The following KHDRBS2 variants were observed in gnomAD, a reference collection of about 807,000 sequenced individuals.
KHDRBS2 encodes KH RNA binding domain containing, signal transduction associated 2.
KHDRBS2 carries 26 observed loss-of-function variants against 44.3 expected under a neutral mutation model. That is an observed-to-expected ratio of 0.59 (90% CI 0.43 to 0.81). KHDRBS2 has a LOEUF of 0.81. KHDRBS2 is among the 40% of genes least tolerant of loss of function. KHDRBS2 has a pLI of 0.00. For missense variants in KHDRBS2, 476 were observed against 433.1 expected (o/e 1.10, Z -0.88); for synonymous variants, 194 against 151.1 (o/e 1.28, Z -2.08).
intron 6 of KHDRBS2, among the ~76,000 whole-genome samples, chr6:61,863,260 T>C (rs1004182022): frequency 1.6e-5 from 1 of 60,990 alleles, no homozygotes; most frequent in African/African-American, 5.9e-5. Context: ...TTTGAAGGGG[T>C]TTTTTTTTTT....
At chr6:61,813,062 T>A (rs1323059008) in intron 6 of KHDRBS2, among the ~76,000 whole-genome samples, 1 of 152,148 alleles carries the variant, frequency 6.6e-6, no homozygotes, top group Non-Finnish European at 1.5e-5. Flanking sequence ...AAAGTAAATG[T>A]GTATATGTAA....
chr6:62,037,672 T>A (rs771367157), intron 3 of KHDRBS2, among the ~76,000 whole-genome samples: 28 of 152,048 alleles, frequency 1.8e-4, no homozygotes, highest in Non-Finnish European at 2.8e-4. Flanking sequence ...AAATTAAGGC[T>A]CACATTTTGT....
chr6:61,635,232 T>C, the KHDRBS2 span, among the ~76,000 whole-genome samples: 2 of 152,010 alleles, frequency 1.3e-5, no homozygotes, highest in Admixed American at 6.6e-5. Flanking sequence ...AGCCCATTGG[T>C]AAACAAAGAA....
At chr6:61,630,452 A>G in the KHDRBS2 span, 349 of 152,252 alleles carry the variant, frequency 2.3e-3, no homozygotes, top group African/African-American at 8.1e-3. Flanking sequence ...CAACCACTGA[A>G]GGTTTTAATG....
intron 3 of KHDRBS2, among the ~76,000 whole-genome samples, chr6:62,028,861 G>C (rs1220942256): frequency 1.3e-5 from 2 of 152,038 alleles, no homozygotes; most frequent in Non-Finnish European, 2.9e-5. Context: ...GAATTCACAG[G>C]ACCTCTTTGT....
rs777723610 is a variant in KHDRBS2 at position 61,681,019 on chromosome 6, G to A, written c.994C>T (p.Pro332Ser). 6.2e-7 allele frequency: 1 copy of A among 1,611,860 alleles called. No individual in the cohort carries two copies. Among genetic ancestry groups the A allele is most frequent in the Non-Finnish European group, 8.5e-7 (1 of 1,178,674 alleles). ...WATTRSSLKA[P>S]PQRSARGGYR... is the part of the protein sequence containing the mutation. Reference sequence around the variant, plus strand: ...CCCCCTCTGGCTGACCTTTGCGGTGGTGCCTTCAAGCTAGAGCGGGTTGTG... The same window carrying A: ...CCCCCTCTGGCTGACCTTTGCGGTGATGCCTTCAAGCTAGAGCGGGTTGTG... The change falls in exon 9 of 9, where the codon CCA becomes TCA. Residue 332 changes from proline (P) to serine (S), a missense_variant. Pro to Ser is a moderately conservative substitution (Grantham distance 74). Coordinates refer to ENST00000281156, the MANE Select transcript of KHDRBS2 (RefSeq NM_152688.4).
chr6:61,888,771 C>T (rs1373511775), intron 6 of KHDRBS2, among the ~76,000 whole-genome samples: 2 of 151,886 alleles, frequency 1.3e-5, no homozygotes, highest in Admixed American at 1.3e-4. Flanking sequence ...CCGTGTTAAC[C>T]AGGATGGTCT....
At chr6:61,985,952 G>A (rs1774978399) in intron 3 of KHDRBS2, among the ~76,000 whole-genome samples, 1 of 152,038 alleles carries the variant, frequency 6.6e-6, no homozygotes, top group South Asian at 2.1e-4. Flanking sequence ...ATGTACATAT[G>A]TAATTTAATG....
the KHDRBS2 span, among the ~76,000 whole-genome samples, chr6:61,615,509 CT>C: frequency 6.6e-6 from 1 of 152,116 alleles, no homozygotes; most frequent in East Asian, 1.9e-4. Flanking sequence ...AGTGTTATTT[CT>C]TTTTTATACT....
chr6:61,718,849 C>T (rs1463957250), intron 7 of KHDRBS2, among the ~76,000 whole-genome samples: 1 of 152,088 alleles, frequency 6.6e-6, no homozygotes, highest in East Asian at 1.9e-4. Context: ...AAAATAGTTC[C>T]CTGGTTAAAC....
At chr6:62,251,849 T>C (rs1563138374) in intron 1 of KHDRBS2, among the ~76,000 whole-genome samples, 2 of 151,642 alleles carry the variant, frequency 1.3e-5, no homozygotes, top group South Asian at 2.1e-4. Context: ...TTGCTATTAT[T>C]AAAAAATAGT....
intron 2 of KHDRBS2, among the ~76,000 whole-genome samples, chr6:62,107,026 C>T (rs1438258049): frequency 1.3e-5 from 2 of 152,064 alleles, no homozygotes; most frequent in Non-Finnish European, 2.9e-5. Context: ...CCTTTGAAAA[C>T]TGGCACAAGA....
At chr6:62,179,058 C>A (rs1157232048) in intron 1 of KHDRBS2, among the ~76,000 whole-genome samples, 2 of 151,260 alleles carry the variant, frequency 1.3e-5, no homozygotes, top group African/African-American at 4.8e-5. Context: ...ATTTTTCCCC[C>A]AAATGTTTTC....
At chr6:62,236,195 A>C (rs975436240) in intron 1 of KHDRBS2, among the ~76,000 whole-genome samples, 2 of 152,112 alleles carry the variant, frequency 1.3e-5, no homozygotes, top group Admixed American at 1.3e-4. Flanking sequence ...TCTATACCTT[A>C]ACAATAAAAG....
chr6:62,249,229 A>G (rs1249836041), intron 1 of KHDRBS2, among the ~76,000 whole-genome samples: 3 of 152,226 alleles, frequency 2.0e-5, no homozygotes, highest in Admixed American at 2.0e-4. Flanking sequence ...ATATAGGTAC[A>G]TGTCATTTCA....
rs560351598 is a variant in KHDRBS2 at position 62,246,737 on chromosome 6, A to AT, written c.91+39120dup. Among the ~76,000 whole-genome samples, 54 of 152,098 alleles carry AT rather than the reference A, an allele frequency of 3.6e-4. No homozygotes were observed. The East Asian group carries it at 7.2e-3, about 20-fold the overall frequency. Reference sequence around the variant, plus strand: ...TTTTAGTGATTTCTGATATTAAGATATTTTTTCCTAATTTGGTAAGTCAAG... The same window carrying AT: ...TTTTAGTGATTTCTGATATTAAGATATTTTTTTCCTAATTTGGTAAGTCAAG... On this transcript the variant is annotated intron_variant, in intron 1 of 8. Transcript: ENST00000281156.
the KHDRBS2 span, among the ~76,000 whole-genome samples, chr6:61,596,052 A>G: frequency 2.6e-5 from 4 of 152,124 alleles, no homozygotes; most frequent in African/African-American, 9.7e-5. Context: ...CTCAGAACAG[A>G]AGACAGAGCT....
chr6:61,563,729 T>C, the KHDRBS2 span, among the ~76,000 whole-genome samples: 1 of 152,100 alleles, frequency 6.6e-6, no homozygotes, highest in African/African-American at 2.4e-5. Flanking sequence ...TGTGTAGTCA[T>C]TAAGATATAT....
intron 1 of KHDRBS2, among the ~76,000 whole-genome samples, chr6:62,260,130 A>G (rs1408367815): frequency 6.6e-6 from 1 of 151,986 alleles, no homozygotes; most frequent in Non-Finnish European, 1.5e-5. Flanking sequence ...TCTGTCATCA[A>G]TGAGAAGGTA....
Sources: gnomAD v4.1 joint callset for allele counts (sites outside exome capture counted in the v4.1 genomes callset) on GRCh38, gnomAD v4.1.1 for gene constraint, MANE v1.5 for transcripts, NCBI Gene and HGNC (gene_info 2026-07-23, HGNC 2026-07-21) for gene names.